IGF1: variants seen among roughly 807,000 people sequenced by gnomAD.
IGF1 encodes insulin like growth factor 1.
Under a neutral mutation model 13.8 loss-of-function variants are expected in IGF1, and 4 were observed. The observed-to-expected ratio is 0.29, with a 90% CI of 0.14 to 0.66. The LOEUF is 0.66. Among genes scored for constraint, IGF1 ranks in the 30% least tolerant of loss-of-function variants. The probability of loss-of-function intolerance (pLI) is 0.78; values close to 1 mark genes in which losing one functional copy is unlikely to be tolerated. For synonymous variants in IGF1, 76 were observed against 72.6 expected, an observed-to-expected ratio of 1.05 and a Z score of -0.23; for missense variants, 124 against 188.5, an observed-to-expected ratio of 0.66 and a Z score of 2.00.
intron 2 of IGF1, among the ~76,000 whole-genome samples, chr12:102,430,436 C>A (rs5742662): frequency 1.3e-5 from 2 of 152,146 alleles, no homozygotes; most frequent in East Asian, 3.9e-4. Context: ...TTTAGGCTGA[C>A]GAATGAAATG....
chr12:102,433,644 A>G (rs1876943591), intron 2 of IGF1, among the ~76,000 whole-genome samples: 1 of 152,182 alleles, frequency 6.6e-6, no homozygotes, highest in Non-Finnish European at 1.5e-5. Context: ...GAGGGCAGAC[A>G]CTGTCATCTC....
chr12:102,432,402 A>G (rs867469869), intron 2 of IGF1, among the ~76,000 whole-genome samples: 15 of 152,210 alleles, frequency 9.9e-5, no homozygotes, highest in South Asian at 2.1e-4. Context: ...CATTTATAAG[A>G]ATAAATTCCA....
In IGF1 at chr12:102,434,146, CTTTTT is replaced by C. The variant is rs549090422; in HGVS notation, c.221-14461_221-14457del. 2.9e-4 allele frequency among the ~76,000 whole-genome samples: 40 copies of C among 139,094 alleles called. No homozygotes were observed. The South Asian group carries it at 9.1e-3, about 32-fold the overall frequency. 91.3% of individuals were successfully genotyped at this position (139,094 alleles called of 152,430 possible). A position where few individuals can be genotyped will look rare whatever the true frequency, so the allele number is the denominator to read the frequency against. Reference sequence around the variant, plus strand: ...GGGCATTTCAAAAGTACAGTCATCTCTTTTTTTTTTTTTTTATTATACTTTAAGTT... The same window carrying C: ...GGGCATTTCAAAAGTACAGTCATCTCTTTTTTTTTTATTATACTTTAAGTT... On this transcript the variant is annotated intron_variant, in intron 2 of 3. Transcript: ENST00000337514.
rs1195496609 is a variant in IGF1 at position 102,398,454 on chromosome 12, C to T, written c.*4053G>A. On this transcript the variant is annotated 3_prime_UTR_variant, in exon 4 of 4. Transcript: ENST00000337514. ...TGCACAAAAATCAATAAGGAACTTACTTATCTTTTAAATTCTTCTATTTGC... is the reference window on the plus strand; with the variant it reads ...TGCACAAAAATCAATAAGGAACTTATTTATCTTTTAAATTCTTCTATTTGC... 1 of 152,210 alleles carries T rather than the reference C, an allele frequency of 6.6e-6. No individual in the cohort carries two copies. The highest frequency in any genetic ancestry group is 1.5e-5 in the Non-Finnish European group (1 of 68,036). 9.4% of individuals were successfully genotyped at this position (152,210 alleles called of 1,614,324 possible). A position where few individuals can be genotyped will look rare whatever the true frequency, so the allele number is the denominator to read the frequency against.
chr12:102,480,748 A>T (rs911252224), upstream of IGF1: 1 of 417,968 alleles, frequency 2.4e-6, no homozygotes, highest in Non-Finnish European at 4.1e-6. Flanking sequence ...GCACAGAAGC[A>T]TTTTTTTCCC....
intron 2 of IGF1, among the ~76,000 whole-genome samples, chr12:102,465,866 G>A (rs1311015800): frequency 6.8e-6 from 1 of 147,424 alleles, no homozygotes; most frequent in Non-Finnish European, 1.5e-5. Context: ...GAACCTAGGA[G>A]ACAGAGGTTG....
chr12:102,469,910 A>G (rs1292731529), intron 2 of IGF1, among the ~76,000 whole-genome samples: 1 of 152,104 alleles, frequency 6.6e-6, no homozygotes, highest in African/African-American at 2.4e-5. Context: ...TAAACATAAC[A>G]TTCTTCATGT....
At chr12:102,448,925 T>A (rs1323593494) in intron 2 of IGF1, among the ~76,000 whole-genome samples, 3 of 152,016 alleles carry the variant, frequency 2.0e-5, no homozygotes, top group Admixed American at 6.5e-5. Flanking sequence ...TGTGGAGAAA[T>A]AGAAATGCTT....
At chr12:102,481,479 C>T (rs11829693), upstream of IGF1, among the ~76,000 whole-genome samples, 3,753 of 151,962 alleles carry the variant, frequency 0.025, 71 homozygotes, top group African/African-American at 0.035. Context: ...AATACCCTCT[C>T]GAGGGTTATG....
chr12:102,417,711 G>A, intron 3 of IGF1: 1 of 1,541,452 alleles, frequency 6.5e-7, no homozygotes, highest in Non-Finnish European at 8.7e-7. Flanking sequence ...TCTAGCTCCA[G>A]CAGGCCTACT....
chr12:102,465,210 T>C (rs1249632249), intron 2 of IGF1, among the ~76,000 whole-genome samples: 2 of 152,216 alleles, frequency 1.3e-5, no homozygotes, highest in South Asian at 2.1e-4. Flanking sequence ...CCTAAGGTTT[T>C]ACAGAAATCA....
chr12:102,429,217 T>A (rs1008574614), intron 2 of IGF1, among the ~76,000 whole-genome samples: 2 of 152,216 alleles, frequency 1.3e-5, no homozygotes, highest in African/African-American at 4.8e-5. Flanking sequence ...AAATCTGGAC[T>A]CATCAGACCA....
chr12:102,472,745 G>C (rs1592833771), intron 2 of IGF1, among the ~76,000 whole-genome samples: 1 of 152,226 alleles, frequency 6.6e-6, no homozygotes, highest in Non-Finnish European at 1.5e-5. Flanking sequence ...GGATGAAAAG[G>C]AAACTGAATG....
At chr12:102,421,677 G>A in intron 2 of IGF1, among the ~76,000 whole-genome samples, 1 of 152,204 alleles carries the variant, frequency 6.6e-6, no homozygotes, top group East Asian at 1.9e-4. Context: ...ATGTTTGGGG[G>A]TGGGCTGGTA....
chr12:102,433,326 A>T (rs1876912828), intron 2 of IGF1, among the ~76,000 whole-genome samples: 1 of 152,252 alleles, frequency 6.6e-6, no homozygotes, highest in Non-Finnish European at 1.5e-5. Context: ...AAACAGGATA[A>T]CAGGTCACTA....
intron 2 of IGF1, among the ~76,000 whole-genome samples, chr12:102,460,862 C>T (rs565298194): frequency 6.6e-6 from 1 of 152,268 alleles, no homozygotes; most frequent in Admixed American, 6.5e-5. Flanking sequence ...AGAATATAGA[C>T]AAGAAGTGGC....
At chr12:102,416,893 G>C (rs1021353868) in intron 3 of IGF1, among the ~76,000 whole-genome samples, 3 of 152,176 alleles carry the variant, frequency 2.0e-5, no homozygotes, top group Admixed American at 6.5e-5. Context: ...GTTAAAATGA[G>C]GTCAGTGGGG....
Position 102,399,993 on chromosome 12 carries a change from A to G in IGF1, c.*2514T>C, listed in dbSNP as rs184120855. 9 of 152,354 alleles carry G rather than the reference A, an allele frequency of 5.9e-5. No homozygotes were observed. Among genetic ancestry groups the G allele is most frequent in the Non-Finnish European group, 1.3e-4 (9 of 68,024 alleles). 9.4% of individuals were successfully genotyped at this position (152,354 alleles called of 1,614,324 possible). On this transcript the variant is annotated 3_prime_UTR_variant, in exon 4 of 4. Coordinates refer to ENST00000337514, the MANE Select transcript of IGF1 (RefSeq NM_000618.5). ...TCTTTTACATCTGTCCATAGTGATT[A>G]GAACATTGCTAAGCATGCTTGAGGT... is the stretch of plus-strand genomic sequence containing the variant.
chr12:102,421,024 A>G (rs1362364034), intron 2 of IGF1, among the ~76,000 whole-genome samples: 3 of 152,218 alleles, frequency 2.0e-5, no homozygotes, highest in African/African-American at 4.8e-5. Context: ...GATCAGGCCC[A>G]TGGTAATGGC....
Sources: allele counts gnomAD v4.1 joint callset (sites outside exome capture counted in the v4.1 genomes callset), GRCh38; gene constraint gnomAD v4.1.1; transcripts MANE v1.5; gene names NCBI Gene and HGNC (gene_info 2026-07-23, HGNC 2026-07-21).